Variants in EIF2AK3 observed in about 807,000 individuals in gnomAD.
EIF2AK3 encodes the protein eukaryotic translation initiation factor 2 alpha kinase 3.
Under a neutral mutation model 113.5 loss-of-function variants are expected in EIF2AK3, and 50 were observed. That is an observed-to-expected ratio of 0.44 (90% CI 0.35 to 0.56). The LOEUF is 0.56. Ranked by LOEUF, EIF2AK3 falls within the 20% of genes least tolerant of loss-of-function variation. The probability of loss-of-function intolerance (pLI) is 0.00; values close to 1 mark genes in which losing one functional copy is unlikely to be tolerated. For missense variants in EIF2AK3, 1,185 were observed against 1,378.0 expected (o/e 0.86, Z 2.22); for synonymous variants, 448 against 495.4 (o/e 0.90, Z 1.27).
chr2:88,619,958 A>C (rs1675678573), intron 1 of EIF2AK3, among the ~76,000 whole-genome samples: 1 of 101,180 alleles, frequency 9.9e-6, no homozygotes, highest in South Asian at 2.8e-4. Flanking sequence ...TCCGTCTCAA[A>C]AAAAAAAAAA....
chr2:88,592,909 C>A (rs1254808392), intron 4 of EIF2AK3, among the ~76,000 whole-genome samples: 1 of 152,074 alleles, frequency 6.6e-6, no homozygotes, highest in South Asian at 2.1e-4. Flanking sequence ...TATTTTAGGA[C>A]CCACATTGGA....
chr2:88,591,774 T>C (rs1053927340), intron 4 of EIF2AK3, among the ~76,000 whole-genome samples: 1 of 152,216 alleles, frequency 6.6e-6, no homozygotes. Flanking sequence ...GAAATAATTA[T>C]ATTTTAAAGA....
chr2:88,581,210 T>C (rs1310563477), intron 10 of EIF2AK3, among the ~76,000 whole-genome samples: 1 of 142,848 alleles, frequency 7.0e-6, no homozygotes, highest in Non-Finnish European at 1.5e-5. Flanking sequence ...AGAACTCCCA[T>C]ATTAAAAAAA....
rs572796161 is a variant in EIF2AK3 at position 88,626,948 on chromosome 2, C to T, written c.308+19G>A. ...GCGCGCGTAAACAAGTTGCCTCCCCCGGGTCGGCAGCCCCTCACCTGCCGC... is the reference window on the plus strand; with the variant it reads ...GCGCGCGTAAACAAGTTGCCTCCCCTGGGTCGGCAGCCCCTCACCTGCCGC... On this transcript the variant is annotated intron_variant, in intron 1 of 16. Coordinates refer to ENST00000303236, the MANE Select transcript of EIF2AK3 (RefSeq NM_004836.7). 5.0e-6 allele frequency: 8 copies of T among 1,606,248 alleles called. No homozygotes were observed. The highest frequency in any genetic ancestry group is 4.4e-5 in the South Asian group (4 of 90,540).
intron 2 of EIF2AK3, among the ~76,000 whole-genome samples, chr2:88,601,834 CTTTTTTTTT>C (rs59987968): frequency 2.7e-5 from 2 of 74,858 alleles, no homozygotes; most frequent in Non-Finnish European, 4.9e-5. Flanking sequence ...TAAGATTTTT[CTTTTTTTTT>C]TTTTTTTTTT....
At chr2:88,622,647 T>C (rs147702247) in intron 1 of EIF2AK3, among the ~76,000 whole-genome samples, 34 of 152,374 alleles carry the variant, frequency 2.2e-4, no homozygotes, top group Middle Eastern at 6.8e-3. Flanking sequence ...TTGAAAGTTC[T>C]GTGTAAATTC....
rs200280683 is a variant in EIF2AK3, at chr2:88,565,244, C to A, written c.2986-2854G>T. 2.6e-5 allele frequency among the ~76,000 whole-genome samples: 4 copies of A among 151,828 alleles called. No individual in the cohort carries two copies. In the East Asian group the frequency reaches 5.8e-4, roughly 22 times the overall value. On this transcript the variant is annotated intron_variant, in intron 14 of 16. Transcript: ENST00000303236. ...AGAGACGGGGTTTCACCATGATGGC[C>A]AGGCTGGTCTCGAACTCCTGACCTC... is the stretch of plus-strand genomic sequence containing the variant.
chr2:88,593,098 C>T (rs1674926008), intron 4 of EIF2AK3, among the ~76,000 whole-genome samples, 174 bp downstream of exon 4: 1 of 152,018 alleles, frequency 6.6e-6, no homozygotes, highest in African/African-American at 2.4e-5. Flanking sequence ...GCCAATATCA[C>T]GCCACTGTAC....
At chr2:88,576,958 TAGAAAC>T (rs1248005642) in intron 11 of EIF2AK3, among the ~76,000 whole-genome samples, 1 of 151,756 alleles carries the variant, frequency 6.6e-6, no homozygotes, top group Non-Finnish European at 1.5e-5. Context: ...AAACTAAAAT[TAGAAAC>T]AGATGAGTTA....
At chr2:88,617,713 C>T (rs901418419) in intron 1 of EIF2AK3, among the ~76,000 whole-genome samples, 5 of 150,522 alleles carry the variant, frequency 3.3e-5, no homozygotes, top group African/African-American at 4.9e-5. Context: ...GCCAAGATCA[C>T]GCCACTGCAC....
chr2:88,613,543 C>T (rs1260938971), intron 2 of EIF2AK3, among the ~76,000 whole-genome samples, 181 bp downstream of exon 2: 1 of 152,008 alleles, frequency 6.6e-6, no homozygotes, highest in African/African-American at 2.4e-5. Context: ...TGTTATTATC[C>T]ATCTCATTTC....
chr2:88,626,868 G>A, intron 1 of EIF2AK3, 99 bp downstream of exon 1: 1 of 1,493,140 alleles, frequency 6.7e-7, no homozygotes, highest in Non-Finnish European at 9.0e-7. Context: ...GCCGAGGGAA[G>A]ACGCCCGCCC....
intron 8 of EIF2AK3, among the ~76,000 whole-genome samples, 166 bp downstream of exon 8, chr2:88,587,816 C>G (rs1674776814): frequency 6.6e-6 from 1 of 152,160 alleles, no homozygotes; most frequent in Non-Finnish European, 1.5e-5. Context: ...AAAATGGGAT[C>G]TGAACCCTGG....
At chr2:88,585,755 G>T in intron 9 of EIF2AK3, 86 bp downstream of exon 9, 1 of 1,313,556 alleles carries the variant, frequency 7.6e-7, no homozygotes, top group Non-Finnish European at 1.1e-6. Flanking sequence ...TGGAGCAGTA[G>T]GGATGGAAGC....
chr2:88,610,042 A>T (rs1675393815), intron 2 of EIF2AK3, among the ~76,000 whole-genome samples: 1 of 150,170 alleles, frequency 6.7e-6, no homozygotes, highest in Non-Finnish European at 1.5e-5. Flanking sequence ...GGACTGCTTG[A>T]GCCCAGGAGT....
In EIF2AK3 at chr2:88,557,562, T is replaced by C. The variant is rs964973335; in HGVS notation, c.*174A>G. On this transcript the variant is annotated 3_prime_UTR_variant, in exon 17 of 17. Coordinates refer to ENST00000303236, the MANE Select transcript of EIF2AK3 (RefSeq NM_004836.7). Reference sequence around the variant, plus strand: ...CTTAAGTATAGCAAAACTCAGGAGTTGGCTCAAATTAGGTTATGCCCCCAA... The same window carrying C: ...CTTAAGTATAGCAAAACTCAGGAGTCGGCTCAAATTAGGTTATGCCCCCAA... 10 of 684,356 alleles carry C rather than the reference T, an allele frequency of 1.5e-5. No homozygotes were observed. In the African/African-American group the frequency reaches 1.8e-4, roughly 12 times the overall value. 42.4% of individuals were successfully genotyped at this position (684,356 alleles called of 1,614,324 possible).
chr2:88,591,127 T>C (rs945696462), intron 4 of EIF2AK3, 75 bp from the exon 5 acceptor site: 16 of 1,329,150 alleles, frequency 1.2e-5, no homozygotes, highest in African/African-American at 5.9e-5. Flanking sequence ...CTCTTCTAGA[T>C]TGAAGAAGCA....
intron 2 of EIF2AK3, among the ~76,000 whole-genome samples, chr2:88,601,113 A>G (rs927826240): frequency 1.3e-5 from 2 of 152,178 alleles, no homozygotes; most frequent in African/African-American, 4.8e-5. Flanking sequence ...CTATTATCTC[A>G]AAGATCTACT....
At chr2:88,600,588 G>C (rs1401201647) in intron 2 of EIF2AK3, among the ~76,000 whole-genome samples, 1 of 152,176 alleles carries the variant, frequency 6.6e-6, no homozygotes, top group Non-Finnish European at 1.5e-5. Flanking sequence ...AACTCCCAGA[G>C]TCTATCTGTG....
Sources: allele counts gnomAD v4.1 joint callset (sites outside exome capture counted in the v4.1 genomes callset), GRCh38; gene constraint gnomAD v4.1.1; transcripts MANE v1.5; gene names NCBI Gene and HGNC (gene_info 2026-07-23, HGNC 2026-07-21).